The following AUNIP variants were observed in gnomAD, a reference collection of about 807,000 sequenced individuals.
The protein encoded by AUNIP is aurora kinase A- and ninein-interacting protein.
Under a neutral mutation model 12.2 loss-of-function variants are expected in AUNIP, and 16 were observed. The ratio of observed to expected loss-of-function variants is 1.31; its 90% CI spans 0.88 to 1.99. The LOEUF (loss-of-function observed/expected upper bound fraction) is 1.99. Ranked by LOEUF, AUNIP falls within the 30% of genes most tolerant of loss-of-function variation. The pLI, the probability that AUNIP is intolerant of heterozygous loss-of-function variation, is 0.00. For missense variants in AUNIP, 411 were observed against 419.1 expected (o/e 0.98, Z 0.17); for synonymous variants, 142 against 154.8 (o/e 0.92, Z 0.61).
At chr1:25,848,999 G>A (rs989341749) in intron 1 of AUNIP, among the ~76,000 whole-genome samples, 1 of 152,174 alleles carries the variant, frequency 6.6e-6, no homozygotes, top group Non-Finnish European at 1.5e-5. Context: ...AGTGACTTCT[G>A]TGAGTACTTC....
chr1:25,836,061 C>G (rs1456711965), intron 2 of AUNIP, among the ~76,000 whole-genome samples: 1 of 152,206 alleles, frequency 6.6e-6, no homozygotes, highest in East Asian at 1.9e-4. Context: ...ATTCCCTACT[C>G]AAATACATGG....
intron 1 of AUNIP, among the ~76,000 whole-genome samples, chr1:25,856,998 C>T (rs1047373900): frequency 1.3e-5 from 2 of 151,842 alleles, no homozygotes; most frequent in Non-Finnish European, 2.9e-5. Flanking sequence ...TGCCTGTAGT[C>T]CCAGCTACTC....
chr1:25,858,183 A>T (rs941676684), intron 1 of AUNIP, among the ~76,000 whole-genome samples: 2 of 152,070 alleles, frequency 1.3e-5, no homozygotes, highest in Non-Finnish European at 2.9e-5. Context: ...TAATAATAAT[A>T]AATAATAATA....
downstream of AUNIP, among the ~76,000 whole-genome samples, chr1:25,833,184 G>GCTAA (rs1553123033): frequency 1.3e-5 from 2 of 151,942 alleles, no homozygotes; most frequent in African/African-American, 4.8e-5. Flanking sequence ...GGGATCATTA[G>GCTAA]CTAACTGCAG....
downstream of AUNIP, chr1:25,832,715 T>C (rs1482430066): frequency 6.4e-6 from 1 of 156,054 alleles, no homozygotes; most frequent in Non-Finnish European, 1.4e-5. Context: ...AAACTTTCTC[T>C]TCCACGGACT....
chr1:25,835,627 G>T lies in AUNIP; in HGVS notation c.440C>A (p.Thr147Asn). Residue 147 changes from threonine (T) to asparagine (N), a missense_variant, in exon 3 of 3, where the codon ACC becomes AAC. Physicochemically the swap from Thr to Asn is moderately conservative, Grantham distance 65. Coordinates refer to ENST00000374298, the MANE Select transcript of AUNIP (RefSeq NM_024037.3). Reference sequence around the variant, plus strand: ...CAAAGATAGCTCAGTTGAAAATGGGGTTTTCATTCTGTGGTGGCCAGAAGT... The same window carrying T: ...CAAAGATAGCTCAGTTGAAAATGGGTTTTTCATTCTGTGGTGGCCAGAAGT... ...LQTSGHHRMK[T>N]PFSTELSLLQ... The T allele has an allele frequency of 6.2e-7, 1 of 1,614,246 alleles. No individual in the cohort carries two copies. The highest frequency in any genetic ancestry group is 2.2e-5 in the East Asian group (1 of 44,888).
rs145461360 is a variant in AUNIP at position 25,850,525 on chromosome 1, C to T, written c.78+8755G>A. ...TTCTGTAGATCAATTGGGGCATATT[C>T]CTATCTTAAGTCTTCTGATCAATGA... is the stretch of plus-strand genomic sequence containing the variant. On this transcript the variant is annotated intron_variant, in intron 1 of 2. Transcript: ENST00000374298. 4.8e-3 allele frequency among the ~76,000 whole-genome samples: 733 copies of T among 152,250 alleles called. 8 individuals carry two copies. The highest frequency in any genetic ancestry group is 0.013 in the African/African-American group (558 of 41,544).
chr1:25,837,431 A>T lies in AUNIP; in HGVS notation c.202T>A (p.Phe68Ile), dbSNP rs143402429. Residue 68 changes from phenylalanine to isoleucine, a missense_variant, in exon 2 of 3, where the codon TTC (phenylalanine) becomes ATC (isoleucine). Transcript: ENST00000374298. ...ACCATACCTGGCTGCAAGGTGAAGA[A>T]GGAAGCAATGCTTCTCTGGTGAATG... ...TGIHQRSIASFFTLQPGKTNG... is the reference protein window; with the variant it reads ...TGIHQRSIASIFTLQPGKTNG... 2.3e-5 allele frequency: 37 copies of T among 1,613,750 alleles called. No individual in the cohort carries two copies. The African/African-American group carries it at 2.7e-4, about 12-fold the overall frequency.
In AUNIP at chr1:25,834,256, A is replaced by G. The variant is rs919885987; in HGVS notation, c.*737T>C. The G allele has an allele frequency of 1.2e-5, 12 of 985,234 alleles. No homozygotes were observed. The highest frequency in any genetic ancestry group is 1.4e-5 in the Non-Finnish European group (12 of 829,926). The allele number at this position is 985,234 out of a possible 1,614,324, so 61.0% of individuals were successfully genotyped here. A position where few individuals can be genotyped will look rare whatever the true frequency, so the allele number is the denominator to read the frequency against. On this transcript the variant is annotated 3_prime_UTR_variant, in exon 3 of 3. Coordinates refer to ENST00000374298, the MANE Select transcript of AUNIP (RefSeq NM_024037.3). The stretch of plus-strand genomic sequence containing the variant: ...GGGGAGATTTGCTAATCACTGAAAA[A>G]AAAGGGTCAAGAGTAATCATCCCAA...
chr1:25,836,507 TTAAGA>T (rs1387438352), intron 2 of AUNIP, among the ~76,000 whole-genome samples: 9 of 152,218 alleles, frequency 5.9e-5, no homozygotes, highest in South Asian at 4.1e-4. Context: ...CTGTTCTGCC[TTAAGA>T]TAAGGATGGA....
At chr1:25,836,975 C>T (rs2048307474) in intron 2 of AUNIP, among the ~76,000 whole-genome samples, 1 of 152,174 alleles carries the variant, frequency 6.6e-6, no homozygotes, top group Non-Finnish European at 1.5e-5. Context: ...CATAAGCCAA[C>T]TTTATGTGAG....
chr1:25,832,327 A>G (rs992646174), downstream of AUNIP: 1 of 716,774 alleles, frequency 1.4e-6, no homozygotes, highest in African/African-American at 1.8e-5. Flanking sequence ...CCCCTGTGTG[A>G]AAATAGGTCC....
intron 1 of AUNIP, among the ~76,000 whole-genome samples, chr1:25,857,872 C>CAAT (rs1218496084): frequency 6.7e-6 from 1 of 150,138 alleles, no homozygotes; most frequent in African/African-American, 2.5e-5. Flanking sequence ...TCAAAAATAA[C>CAAT]AATAATAATA....
At chr1:25,852,709 G>C (rs556663529) in intron 1 of AUNIP, among the ~76,000 whole-genome samples, 1 of 152,014 alleles carries the variant, frequency 6.6e-6, no homozygotes, top group Non-Finnish European at 1.5e-5. Flanking sequence ...CAAACTGTTG[G>C]GATTACAGGT....
intron 1 of AUNIP, among the ~76,000 whole-genome samples, chr1:25,853,131 G>A (rs2048435443): frequency 6.6e-6 from 1 of 152,124 alleles, no homozygotes; most frequent in African/African-American, 2.4e-5. Flanking sequence ...ATTTTTGTCT[G>A]TTAGGTCTAC....
chr1:25,844,168 G>A (rs1055421818), intron 1 of AUNIP, among the ~76,000 whole-genome samples: 7 of 152,056 alleles, frequency 4.6e-5, no homozygotes, highest in African/African-American at 1.7e-4. Context: ...GTGCAGTGGC[G>A]CAATCTCGGC....
chr1:25,839,746 C>G (rs2048336566), intron 1 of AUNIP, among the ~76,000 whole-genome samples: 1 of 152,156 alleles, frequency 6.6e-6, no homozygotes, highest in South Asian at 2.1e-4. Context: ...TCACTGCAAC[C>G]TCTGCCTCCC....
chr1:25,835,825 T>G lies in AUNIP; in HGVS notation c.242A>C (p.Gln81Pro), dbSNP rs1286862296. Residue 81 changes from glutamine to proline, a missense_variant, in exon 3 of 3, where the codon CAG becomes CCG. Transcript: ENST00000374298. ...LQPGKTNGSD[Q>P]KSVSSHTESQ... ...TTCTGTATGAGATGAAACACTCTTC[T>G]GGTCACTGCCATTTGTCTTTCCTAA... The G allele has an allele frequency of 6.2e-7, 1 of 1,613,570 alleles. No homozygotes were observed. Among genetic ancestry groups the G allele is most frequent in the Non-Finnish European group, 8.5e-7 (1 of 1,179,476 alleles).
intron 1 of AUNIP, among the ~76,000 whole-genome samples, chr1:25,846,463 C>G (rs1367049788): frequency 6.7e-6 from 1 of 148,188 alleles, no homozygotes; most frequent in Non-Finnish European, 1.5e-5. Flanking sequence ...GTGGCTCACA[C>G]CTGTAATCCT....
Sources: allele counts gnomAD v4.1 joint callset (sites outside exome capture counted in the v4.1 genomes callset), GRCh38; gene constraint gnomAD v4.1.1; transcripts MANE v1.5; gene names NCBI Gene and HGNC (gene_info 2026-07-23, HGNC 2026-07-21).